Variants in LRP1B observed in about 807,000 individuals in gnomAD.
LRP1B encodes low-density lipoprotein receptor-related protein 1B.
LRP1B carries 217 observed loss-of-function variants against 556.6 expected under a neutral mutation model. That is an observed-to-expected ratio of 0.39 (90% confidence interval 0.35 to 0.44). LRP1B has a LOEUF of 0.44. Ranked by LOEUF, LRP1B falls within the 20% of genes least tolerant of loss-of-function variation. The pLI, the probability that LRP1B is intolerant of heterozygous loss-of-function variation, is 1.00. For missense variants in LRP1B, 5,053 were observed against 5,620.8 expected (o/e 0.90, Z 3.23); for synonymous variants, 2,047 against 1,865.8 (o/e 1.10, Z -2.50).
intron 23 of LRP1B, among the ~76,000 whole-genome samples, chr2:140,896,193 TG>T (rs1326330772): frequency 5.9e-5 from 9 of 152,000 alleles, no homozygotes; most frequent in Non-Finnish European, 1.2e-4. Flanking sequence ...TATTAATAAA[TG>T]AATTAATAAA....
At chr2:140,665,449 C>T (rs1312170465) in intron 41 of LRP1B, among the ~76,000 whole-genome samples, 1 of 152,138 alleles carries the variant, frequency 6.6e-6, no homozygotes, top group African/African-American at 2.4e-5. Context: ...ATATTTGTAA[C>T]TTCACAACAC....
intron 1 of LRP1B, among the ~76,000 whole-genome samples, chr2:141,854,940 C>T (rs1029100812): frequency 1.3e-5 from 2 of 152,024 alleles, no homozygotes; most frequent in Admixed American, 1.3e-4. Flanking sequence ...AGACAAACCT[C>T]TTCAAGTGAA....
At chr2:141,993,435 C>A (rs201294720) in intron 1 of LRP1B, among the ~76,000 whole-genome samples, 1 of 100,588 alleles carries the variant, frequency 9.9e-6, no homozygotes, top group African/African-American at 3.7e-5. Flanking sequence ...GGAAATTTTT[C>A]CCCTCCACCT....
chr2:141,934,616 G>A (rs1463012127), intron 1 of LRP1B, among the ~76,000 whole-genome samples: 1 of 151,912 alleles, frequency 6.6e-6, no homozygotes, highest in African/African-American at 2.4e-5. Context: ...ATCCCCACAT[G>A]TTGTGGGAGG....
intron 32 of LRP1B, among the ~76,000 whole-genome samples, chr2:140,797,006 T>C (rs1690339591): frequency 6.6e-6 from 1 of 152,026 alleles, no homozygotes; most frequent in African/African-American, 2.4e-5. Flanking sequence ...TTATAATAAT[T>C]ATATGAATAC....
chr2:141,923,436 T>G (rs1558964254), intron 1 of LRP1B, among the ~76,000 whole-genome samples: 5 of 75,430 alleles, frequency 6.6e-5, no homozygotes, highest in Admixed American at 3.4e-4. Flanking sequence ...GACAAAGAGA[T>G]TATATATATA....
intron 67 of LRP1B, among the ~76,000 whole-genome samples, chr2:140,378,724 T>G (rs901661419): frequency 9.9e-5 from 15 of 152,166 alleles, no homozygotes; most frequent in African/African-American, 3.4e-4. Flanking sequence ...AGCCTTTGTA[T>G]TTGACTTTAT....
At chr2:140,310,150 A>G (rs2105026320) in intron 83 of LRP1B, among the ~76,000 whole-genome samples, 1 of 151,854 alleles carries the variant, frequency 6.6e-6, no homozygotes, top group African/African-American at 2.4e-5. Flanking sequence ...TCCTGCATAT[A>G]TGTATGAGAC....
chr2:141,033,478 CCCCAAAT>C (rs1179797076), intron 11 of LRP1B, among the ~76,000 whole-genome samples: 3 of 151,860 alleles, frequency 2.0e-5, no homozygotes, highest in Non-Finnish European at 4.4e-5. Context: ...TAACAATTGC[CCCCAAAT>C]TTATTGCTTA....
chr2:140,238,799 C>T (rs1386920416), intron 88 of LRP1B, among the ~76,000 whole-genome samples: 1 of 150,642 alleles, frequency 6.6e-6, no homozygotes, highest in East Asian at 2.0e-4. Flanking sequence ...TACGCTGTAC[C>T]CATTAGGTAA....
At chr2:141,554,585 A>T (rs566415168) in intron 2 of LRP1B, among the ~76,000 whole-genome samples, 1 of 152,050 alleles carries the variant, frequency 6.6e-6, no homozygotes, top group African/African-American at 2.4e-5. Flanking sequence ...TAATGTGGAT[A>T]ATAGCAGGAA....
chr2:141,854,583 A>G (rs542474591), intron 1 of LRP1B, among the ~76,000 whole-genome samples: 16 of 152,140 alleles, frequency 1.1e-4, no homozygotes, highest in African/African-American at 3.6e-4. Context: ...GGAACTATAA[A>G]CTAGTCCATT....
At chr2:141,319,665 T>G (rs1687166544) in intron 3 of LRP1B, among the ~76,000 whole-genome samples, 1 of 152,080 alleles carries the variant, frequency 6.6e-6, no homozygotes. Context: ...TTAGCCAAAT[T>G]GTAGCATGCA....
intron 18 of LRP1B, among the ~76,000 whole-genome samples, chr2:140,965,293 G>T (rs1696170487): frequency 6.6e-6 from 1 of 151,898 alleles, no homozygotes; most frequent in Non-Finnish European, 1.5e-5. Context: ...CTTTGTCATT[G>T]TAACTATGCA....
rs62172914 is a variant in LRP1B, at chr2:141,279,316, G to A, written c.344-24675C>T. The stretch of plus-strand genomic sequence containing the variant: ...CATATACTCAGGAGAATTCATTTTA[G>A]AAATCCATGATGCAGGTTGCAAAAT... On this transcript the variant is annotated intron_variant, in intron 3 of 90. Transcript: ENST00000389484. Among the ~76,000 whole-genome samples the A allele has an allele frequency of 3.3e-3, 503 of 152,120 alleles. 3 individuals are homozygous for A. Among genetic ancestry groups the A allele is most frequent in the Non-Finnish European group, 5.4e-3 (367 of 67,934 alleles).
intron 3 of LRP1B, among the ~76,000 whole-genome samples, chr2:141,418,844 G>A (rs1340834631): frequency 6.6e-6 from 1 of 151,892 alleles, no homozygotes; most frequent in Non-Finnish European, 1.5e-5. Context: ...CATTTTCACA[G>A]TATCAAGTCT....
chr2:141,808,978 T>C (rs1381714265), intron 2 of LRP1B, among the ~76,000 whole-genome samples: 1 of 152,188 alleles, frequency 6.6e-6, no homozygotes, highest in Non-Finnish European at 1.5e-5. Flanking sequence ...TATCACAATT[T>C]ATCCATTAGA....
chr2:141,719,180 T>C (rs761809738), intron 2 of LRP1B, among the ~76,000 whole-genome samples: 8 of 152,166 alleles, frequency 5.3e-5, no homozygotes, highest in Non-Finnish European at 7.4e-5. Context: ...ATACAAGGTG[T>C]AATTGGAAGA....
chr2:142,070,450 T>C (rs1272525763), intron 1 of LRP1B, among the ~76,000 whole-genome samples: 1 of 151,872 alleles, frequency 6.6e-6, no homozygotes, highest in Non-Finnish European at 1.5e-5. Context: ...ACACAAATCA[T>C]GTCTTTCCTT....
Sources: allele counts gnomAD v4.1 joint callset (sites outside exome capture counted in the v4.1 genomes callset), GRCh38; gene constraint gnomAD v4.1.1; transcripts MANE v1.5; gene names NCBI Gene and HGNC (gene_info 2026-07-23, HGNC 2026-07-21).